ATG10: variants seen among roughly 807,000 people sequenced by gnomAD.
The protein encoded by ATG10 is ubiquitin-like-conjugating enzyme ATG10.
Under a neutral mutation model 32.1 loss-of-function variants are expected in ATG10, and 30 were observed. The observed-to-expected ratio is 0.94, with a 90% CI of 0.70 to 1.27. The LOEUF (loss-of-function observed/expected upper bound fraction) is 1.27. Among genes scored for constraint, ATG10 ranks in the 50% most tolerant of loss-of-function variants. The probability of loss-of-function intolerance (pLI) is 0.00; values close to 1 mark genes in which losing one functional copy is unlikely to be tolerated. For missense variants in ATG10, 233 were observed against 262.3 expected (o/e 0.89, Z 0.77); for synonymous variants, 87 against 91.5 (o/e 0.95, Z 0.28).
chr5:82,205,602 A>C (rs1745258374), intron 5 of ATG10, among the ~76,000 whole-genome samples: 1 of 152,178 alleles, frequency 6.6e-6, no homozygotes, highest in South Asian at 2.1e-4. Flanking sequence ...AGGACATTTT[A>C]TGGTTTTTAT....
chr5:82,112,387 A>C (rs558052376), intron 3 of ATG10, among the ~76,000 whole-genome samples: 12 of 152,014 alleles, frequency 7.9e-5, no homozygotes, highest in South Asian at 2.1e-4. Context: ...TAATTGTGAT[A>C]GGACTTTTTT....
intron 1 of ATG10, 41 bp from the exon 2 acceptor site, chr5:81,987,518 A>T (rs1282521873): frequency 3.0e-6 from 4 of 1,349,060 alleles, no homozygotes; most frequent in Non-Finnish European, 3.1e-6. Flanking sequence ...CTTTCAATAT[A>T]ATTCTAAAGT....
intron 2 of ATG10, among the ~76,000 whole-genome samples, chr5:82,040,511 G>A (rs1763052344): frequency 6.6e-6 from 1 of 152,056 alleles, no homozygotes; most frequent in Non-Finnish European, 1.5e-5. Flanking sequence ...AAATTGTACT[G>A]TTTGAATTCT....
In ATG10 at chr5:81,987,686, T is replaced by G. The variant is rs1347412078; in HGVS notation, c.108+8T>G. On this transcript the variant is annotated splice_region_variant and intron_variant, in intron 2 of 7. Transcript: ENST00000282185. ...GAATGGAGACCATCAAAGGTAAGAA[T>G]GGAAATGTTTGTTTTCTGTCTCAAA... is the stretch of plus-strand genomic sequence containing the variant. 2.5e-6 allele frequency: 4 copies of G among 1,582,822 alleles called. No homozygotes were observed. Among genetic ancestry groups the G allele is most frequent in the Non-Finnish European group, 3.4e-6 (4 of 1,162,242 alleles).
intron 3 of ATG10, among the ~76,000 whole-genome samples, chr5:82,124,203 C>T (rs1232702789): frequency 6.6e-6 from 1 of 151,402 alleles, no homozygotes; most frequent in Non-Finnish European, 1.5e-5. Flanking sequence ...TGGGGCTTCA[C>T]CACGTTAGCC....
At chr5:82,127,523 C>A (rs1422424998) in intron 3 of ATG10, among the ~76,000 whole-genome samples, 1 of 152,056 alleles carries the variant, frequency 6.6e-6, no homozygotes, top group Non-Finnish European at 1.5e-5. Context: ...TTTATTTGTG[C>A]CTTAATTTTC....
intron 3 of ATG10, among the ~76,000 whole-genome samples, chr5:82,122,945 TGTG>T (rs1394582268): frequency 6.6e-6 from 1 of 152,188 alleles, no homozygotes; most frequent in East Asian, 1.9e-4. Flanking sequence ...TGAAAAGTAA[TGTG>T]GTAACTCCTT....
At chr5:82,162,620 G>T (rs954417429) in intron 3 of ATG10, among the ~76,000 whole-genome samples, 5 of 152,056 alleles carry the variant, frequency 3.3e-5, no homozygotes, top group African/African-American at 1.2e-4. Context: ...TTTGTAAGTA[G>T]CAGAAAACTA....
chr5:82,231,383 T>C (rs956349356), intron 5 of ATG10, among the ~76,000 whole-genome samples: 1 of 152,200 alleles, frequency 6.6e-6, no homozygotes, highest in African/African-American at 2.4e-5. Flanking sequence ...AAATAAGAAG[T>C]TGTCATTCTT....
At chr5:82,059,059 C>T (rs1008482662) in intron 3 of ATG10, among the ~76,000 whole-genome samples, 3 of 152,106 alleles carry the variant, frequency 2.0e-5, no homozygotes, top group African/African-American at 7.2e-5. Context: ...ACCTCTTTGC[C>T]TGCTCTGCCT....
intron 1 of ATG10, among the ~76,000 whole-genome samples, chr5:81,985,372 T>A (rs1239350554): frequency 1.3e-5 from 2 of 152,078 alleles, no homozygotes; most frequent in Non-Finnish European, 2.9e-5. Context: ...CTCTGATTGA[T>A]GAAATGGGTT....
chr5:82,169,198 A>G (rs532808480), intron 4 of ATG10, among the ~76,000 whole-genome samples: 16 of 152,242 alleles, frequency 1.1e-4, no homozygotes, highest in African/African-American at 3.4e-4. Flanking sequence ...AGGGGTTGGA[A>G]GATATAAAGA....
intron 3 of ATG10, chr5:82,147,083 T>G (rs1027364163): frequency 5.2e-5 from 8 of 152,634 alleles, no homozygotes; most frequent in African/African-American, 1.9e-4. Flanking sequence ...AATAACTAGG[T>G]GGTACTAGGT....
chr5:82,125,845 A>C lies in ATG10; in HGVS notation c.217-38554A>C, dbSNP rs548558849. Among the ~76,000 whole-genome samples, 19 of 152,280 alleles carry C rather than the reference A, an allele frequency of 1.2e-4. No homozygotes were observed. The South Asian group carries it at 3.5e-3, about 28-fold the overall frequency. ...TGGTAGCTTGATGGGAATAGCGTTG[A>C]ATCTATAAATTAGTTTGGGCAGTAT... is the stretch of plus-strand genomic sequence containing the variant. On this transcript the variant is annotated intron_variant, in intron 3 of 7. Coordinates refer to ENST00000282185, the MANE Select transcript of ATG10 (RefSeq NM_031482.5).
At chr5:82,124,655 G>A (rs1259186362) in intron 3 of ATG10, among the ~76,000 whole-genome samples, 1 of 152,030 alleles carries the variant, frequency 6.6e-6, no homozygotes, top group Non-Finnish European at 1.5e-5. Context: ...ATTCCATGGT[G>A]TATATGTGCC....
At chr5:82,147,540 T>A (rs1767412587) in intron 3 of ATG10, 1 of 152,256 alleles carries the variant, frequency 6.6e-6, no homozygotes, top group Non-Finnish European at 1.5e-5. Context: ...ATCAATAGCT[T>A]AGTTAGACTC....
At chr5:82,058,036 A>G (rs549769323) in intron 2 of ATG10, among the ~76,000 whole-genome samples, 2 of 152,350 alleles carry the variant, frequency 1.3e-5, no homozygotes, top group South Asian at 4.1e-4. Context: ...GCTGAGATGC[A>G]TAAGTACCTT....
intron 3 of ATG10, among the ~76,000 whole-genome samples, chr5:82,161,919 T>C (rs1204660965): frequency 6.6e-6 from 1 of 152,052 alleles, no homozygotes; most frequent in Non-Finnish European, 1.5e-5. Context: ...TGAGGTGGGG[T>C]ACAGCAGGAA....
At chr5:81,972,913 T>G (rs981906175) in intron 1 of ATG10, among the ~76,000 whole-genome samples, 1 of 152,208 alleles carries the variant, frequency 6.6e-6, no homozygotes, top group African/African-American at 2.4e-5. Flanking sequence ...AGCATGTTTT[T>G]TTCAGAGTCA....
Sources: allele counts gnomAD v4.1 joint callset (sites outside exome capture counted in the v4.1 genomes callset), GRCh38; gene constraint gnomAD v4.1.1; transcripts MANE v1.5; gene names NCBI Gene and HGNC (gene_info 2026-07-23, HGNC 2026-07-21).